The following NUP153 variants were observed in gnomAD, a reference collection of about 807,000 sequenced individuals.
The protein encoded by NUP153 is nucleoporin 153.
A neutral mutation model predicts 134.6 loss-of-function variants in NUP153; 27 were observed. The ratio of observed to expected loss-of-function variants is 0.20; its 90% CI spans 0.15 to 0.28. The LOEUF is 0.28. Among genes scored for constraint, NUP153 ranks in the 10% least tolerant of loss-of-function variants. NUP153 has a pLI of 1.00. For synonymous variants in NUP153, 640 were observed against 623.5 expected (o/e 1.03, Z -0.40); for missense variants, 1,821 against 1,731.3 (o/e 1.05, Z -0.92).
chr6:17,699,020 T>C (rs1339777110), intron 1 of NUP153, among the ~76,000 whole-genome samples: 4 of 152,070 alleles, frequency 2.6e-5, no homozygotes, highest in Non-Finnish European at 4.4e-5. Context: ...GAAAAAGATA[T>C]GCAAAATCAA....
chr6:17,701,866 T>C (rs1395989618), intron 1 of NUP153, among the ~76,000 whole-genome samples: 1 of 136,342 alleles, frequency 7.3e-6, no homozygotes, highest in African/African-American at 2.7e-5. Flanking sequence ...ATGCAGGAAC[T>C]GACTTGTAAG....
At position 17,649,141 on chromosome 6, in the gene NUP153, T is replaced by C. The variant is rs759048476; in HGVS notation, c.1533+22A>G. Reference sequence around the variant, plus strand: ...ATTAAGAAAGAACAAATGTCACCTGTATTTATATAATGGTTTTGTACCTTG... The same window carrying C: ...ATTAAGAAAGAACAAATGTCACCTGCATTTATATAATGGTTTTGTACCTTG... On this transcript the variant is annotated intron_variant, in intron 12 of 21. Transcript: ENST00000262077. 7 of 1,590,696 alleles carry C rather than the reference T, an allele frequency of 4.4e-6. No homozygotes were observed. The South Asian group carries it at 8.0e-5, about 18-fold the overall frequency.
rs572948705 is a variant in NUP153 at position 17,616,462 on chromosome 6, A to G, written c.4343+65T>C. 18 of 1,419,446 alleles carry G rather than the reference A, an allele frequency of 1.3e-5. No homozygotes were observed. In the African/African-American group the frequency reaches 2.4e-4, roughly 19 times the overall value. The allele number at this position is 1,419,446 out of a possible 1,614,324, so 87.9% of individuals were successfully genotyped here. A position where few individuals can be genotyped will look rare whatever the true frequency, so the allele number is the denominator to read the frequency against. On this transcript the variant is annotated intron_variant, in intron 21 of 21. Transcript: ENST00000262077. The stretch of plus-strand genomic sequence containing the variant: ...CGGAATCTTGATGACTTTTAAAAAC[A>G]AAACATATACATGCACATACCCTTA...
chr6:17,659,164 T>C (rs1767017489), intron 11 of NUP153, among the ~76,000 whole-genome samples: 2 of 152,238 alleles, frequency 1.3e-5, no homozygotes, highest in African/African-American at 4.8e-5. Flanking sequence ...GCCAACTGAC[T>C]ATCACTTCTT....
At chr6:17,663,232 TACACACACAC>T (rs35061480) in intron 9 of NUP153, among the ~76,000 whole-genome samples, 7 of 144,010 alleles carry the variant, frequency 4.9e-5, no homozygotes, top group Non-Finnish European at 7.5e-5. Context: ...AAGAAAAAAA[TACACACACAC>T]ACACACACAC....
At position 17,628,618 on chromosome 6, in the gene NUP153, A is replaced by AT; in HGVS notation, c.3544+36_3544+37insA. On this transcript the variant is annotated intron_variant, in intron 18 of 21. Coordinates refer to ENST00000262077, the MANE Select transcript of NUP153 (RefSeq NM_005124.4). This position sits in a 1 kb window ranked among gnomAD's most constrained non-coding sequence, Gnocchi z 5.4. The stretch of plus-strand genomic sequence containing the variant: ...TGTAAAACGACAACTTGTAAAAAAA[A>AT]AAATAATAATAATAATAATAAAAAG... The AT allele has an allele frequency of 8.5e-7, 1 of 1,178,700 alleles. No homozygotes were observed. The highest frequency in any genetic ancestry group is 1.6e-5 in the African/African-American group (1 of 61,420). 73.0% of individuals were successfully genotyped at this position (1,178,700 alleles called of 1,614,324 possible). A position where few individuals can be genotyped will look rare whatever the true frequency, so the allele number is the denominator to read the frequency against.
rs762988636 is a variant in NUP153, at chr6:17,640,015, A to G, written c.1770T>C (p.Pro590=). Residue 590 remains proline, a synonymous_variant, in exon 15 of 22, where the codon CCT becomes CCC. Coordinates refer to ENST00000262077, the MANE Select transcript of NUP153 (RefSeq NM_005124.4). The part of the protein sequence containing the change: ...VNSTNCKKTP[P]EDCEGPFRPA... Reference sequence around the variant, plus strand: ...GTCTAAAAGGACCCTCACAATCTTCAGGTGGTGTCTTCTTACAATTTGTAC... The same window carrying G: ...GTCTAAAAGGACCCTCACAATCTTCGGGTGGTGTCTTCTTACAATTTGTAC... The G allele has an allele frequency of 5.6e-6, 9 of 1,611,784 alleles. No individual in the cohort carries two copies. The South Asian group carries it at 9.9e-5, about 18-fold the overall frequency.
intron 1 of NUP153, among the ~76,000 whole-genome samples, chr6:17,694,459 G>T (rs1458811357): frequency 6.6e-6 from 1 of 152,110 alleles, no homozygotes; most frequent in Non-Finnish European, 1.5e-5. Context: ...AAGAGTTCAA[G>T]ACCAGCCTGG....
chr6:17,626,533 CA>C (rs1213813830), intron 18 of NUP153, among the ~76,000 whole-genome samples: 1 of 152,166 alleles, frequency 6.6e-6, no homozygotes, highest in Non-Finnish European at 1.5e-5. Flanking sequence ...CAGTATGTGG[CA>C]AAATCATAAC....
At chr6:17,705,859 AAAG>A (rs1407217347) in intron 1 of NUP153, among the ~76,000 whole-genome samples, 2 of 151,468 alleles carry the variant, frequency 1.3e-5, no homozygotes, top group African/African-American at 4.8e-5. Context: ...CAAACACACT[AAAG>A]AAGGGACACC....
chr6:17,677,507 G>C (rs1768292284), intron 2 of NUP153, among the ~76,000 whole-genome samples: 2 of 152,134 alleles, frequency 1.3e-5, no homozygotes, highest in Non-Finnish European at 2.9e-5. Flanking sequence ...CTTTAAAGCA[G>C]CTATCTGGAA....
chr6:17,622,692 TAAA>T (rs926575612), intron 20 of NUP153, among the ~76,000 whole-genome samples: 2 of 127,846 alleles, frequency 1.6e-5, no homozygotes, highest in Non-Finnish European at 3.6e-5. Context: ...GCTCTTTACA[TAAA>T]AAAAAAATAA....
At position 17,624,622 on chromosome 6, in the gene NUP153, G is replaced by T. The variant is rs1456706033; in HGVS notation, c.4113C>A (p.Pro1371=). The T allele has an allele frequency of 6.2e-7, 1 of 1,614,076 alleles. No individual in the cohort carries two copies. Among genetic ancestry groups the T allele is most frequent in the African/African-American group, 1.3e-5 (1 of 74,910 alleles). Residue 1371 remains proline, a synonymous_variant, in exon 20 of 22, where the codon CCC becomes CCA. Transcript: ENST00000262077. ...GACTAGGTTGCTGTCCAAACACAGG[G>T]GGCTGGCTACTGCTTGACACTGTCC... is the stretch of plus-strand genomic sequence containing the variant. The part of the protein sequence containing the change: ...TFGTVSSSSQ[P]PVFGQQPSQS...
chr6:17,699,048 T>C (rs1161514941), intron 1 of NUP153, among the ~76,000 whole-genome samples: 1 of 152,176 alleles, frequency 6.6e-6, no homozygotes, highest in Non-Finnish European at 1.5e-5. Context: ...GAAATATCTA[T>C]AGATAGAAAA....
At chr6:17,702,062 TTTG>T (rs1232622298) in intron 1 of NUP153, among the ~76,000 whole-genome samples, 1 of 151,016 alleles carries the variant, frequency 6.6e-6, no homozygotes, top group African/African-American at 2.4e-5. Flanking sequence ...ACTCAAGTTT[TTTG>T]TAGTGGTTAC....
At chr6:17,700,750 A>G (rs1308323472) in intron 1 of NUP153, among the ~76,000 whole-genome samples, 3 of 152,232 alleles carry the variant, frequency 2.0e-5, no homozygotes, top group Non-Finnish European at 4.4e-5. Flanking sequence ...GGCCAAATTC[A>G]GACCTTGGTC....
intron 11 of NUP153, among the ~76,000 whole-genome samples, chr6:17,653,688 G>A (rs4716171): frequency 0.98 from 149,657 of 152,308 alleles, 73,564 homozygotes; most frequent in Middle Eastern, 1. Flanking sequence ...AGTGAAACCA[G>A]TACATGGTGG....
rs772652824 is a variant in NUP153 at position 17,669,336 on chromosome 6, T to A, written c.971A>T (p.Asp324Val). ...AACAATGGATGGAATTCTTTTTGCA[T>A]CCTGTTAAAGTTGAAAAAATAACAA... ...SLEKMSSPLA[D>V]AKRIPSIVSS... Residue 324 changes from aspartate (D) to valine (V), a missense_variant and splice_region_variant, in exon 7 of 22, where the codon GAT (aspartate) becomes GTT (valine). Physicochemically the swap from Asp to Val is radical, Grantham distance 152. Transcript: ENST00000262077. The A allele has an allele frequency of 1.2e-6, 2 of 1,610,036 alleles. No homozygotes were observed. The highest frequency in any genetic ancestry group is 1.1e-5 in the South Asian group (1 of 90,894).
intron 1 of NUP153, among the ~76,000 whole-genome samples, chr6:17,699,991 TATA>T (rs1473595649): frequency 6.6e-6 from 1 of 152,140 alleles, no homozygotes; most frequent in Non-Finnish European, 1.5e-5. Context: ...AGTAAATTAA[TATA>T]ATACCACACA....
Sources: allele counts gnomAD v4.1 joint callset (sites outside exome capture counted in the v4.1 genomes callset), GRCh38; gene constraint gnomAD v4.1.1; non-coding constraint Gnocchi (gnomAD v3.1); transcripts MANE v1.5; gene names NCBI Gene and HGNC (gene_info 2026-07-23, HGNC 2026-07-21).